The following SGCD variants were observed in gnomAD, a reference collection of about 807,000 sequenced individuals.
The protein encoded by SGCD is delta-sarcoglycan.
SGCD carries 18 observed loss-of-function variants against 36.6 expected under a neutral mutation model. That is an observed-to-expected ratio of 0.49 (90% CI 0.34 to 0.73). SGCD has a LOEUF of 0.73. Ranked by LOEUF, SGCD falls within the 30% of genes least tolerant of loss-of-function variation. The probability of loss-of-function intolerance (pLI) is 0.01; values close to 1 mark genes in which losing one functional copy is unlikely to be tolerated. For synonymous variants in SGCD, 133 were observed against 130.6 expected, an observed-to-expected ratio of 1.02 and a Z score of -0.12; for missense variants, 387 against 346.7, an observed-to-expected ratio of 1.12 and a Z score of -0.92.
At chr5:155,935,916 C>G (rs771530830) in intron 1 of SGCD, among the ~76,000 whole-genome samples, 36 of 152,160 alleles carry the variant, frequency 2.4e-4, no homozygotes, top group Non-Finnish European at 3.8e-4. Context: ...TGCACACAGT[C>G]AGGCACACCA....
At chr5:156,576,040 C>T (rs1159643601) in intron 4 of SGCD, among the ~76,000 whole-genome samples, 3 of 152,124 alleles carry the variant, frequency 2.0e-5, no homozygotes, top group South Asian at 2.1e-4. Context: ...CTGTCATTTA[C>T]ATTAGGTATT....
chr5:156,607,273 C>G (rs539964668), intron 6 of SGCD, among the ~76,000 whole-genome samples: 5 of 152,116 alleles, frequency 3.3e-5, no homozygotes, highest in Non-Finnish European at 1.5e-5. Flanking sequence ...TGAATTTTGT[C>G]AAAGGCTTTT....
intron 1 of SGCD, among the ~76,000 whole-genome samples, chr5:155,892,362 G>A (rs760227491): frequency 1.1e-4 from 16 of 151,110 alleles, no homozygotes; most frequent in Non-Finnish European, 2.2e-4. Flanking sequence ...GGTTGAGGCA[G>A]TAGAATCGCT....
At chr5:156,657,178 A>G (rs1581346644) in intron 7 of SGCD, among the ~76,000 whole-genome samples, 1 of 151,700 alleles carries the variant, frequency 6.6e-6, no homozygotes, top group East Asian at 1.9e-4. Flanking sequence ...TCCGCACACC[A>G]CTGACAGTTA....
At chr5:156,350,862 C>G (rs1580858569) in intron 3 of SGCD, among the ~76,000 whole-genome samples, 1 of 152,104 alleles carries the variant, frequency 6.6e-6, no homozygotes, top group East Asian at 1.9e-4. Context: ...TTGTTATTCC[C>G]ACTGAAAACC....
At chr5:156,384,139 A>G (rs1050326658) in intron 3 of SGCD, among the ~76,000 whole-genome samples, 2 of 152,232 alleles carry the variant, frequency 1.3e-5, no homozygotes, top group Non-Finnish European at 2.9e-5. Context: ...TCAATGCCAG[A>G]AAGAGACAAG....
At chr5:156,295,122 G>C (rs1321704346) in intron 3 of SGCD, among the ~76,000 whole-genome samples, 2 of 152,054 alleles carry the variant, frequency 1.3e-5, no homozygotes, top group African/African-American at 2.4e-5. Flanking sequence ...TCTTTGTCTG[G>C]AGATTTTGAT....
chr5:155,943,054 G>C (rs978853673), intron 1 of SGCD, among the ~76,000 whole-genome samples: 2 of 152,192 alleles, frequency 1.3e-5, no homozygotes, highest in Admixed American at 6.5e-5. Context: ...AGCTATGATA[G>C]AGTTGAGGAC....
At chr5:156,030,601 G>A (rs967012117) in intron 1 of SGCD, among the ~76,000 whole-genome samples, 16 of 152,174 alleles carry the variant, frequency 1.1e-4, no homozygotes, top group African/African-American at 3.9e-4. Context: ...TTTTATAGCA[G>A]CCCTAGTAAA....
intron 3 of SGCD, among the ~76,000 whole-genome samples, chr5:156,239,700 C>G (rs944922492): frequency 4.6e-5 from 7 of 152,138 alleles, no homozygotes; most frequent in African/African-American, 1.7e-4. Flanking sequence ...CTGAGTTTAT[C>G]ACCTATTTAC....
intron 6 of SGCD, among the ~76,000 whole-genome samples, chr5:156,627,763 G>A (rs566604211): frequency 3.0e-4 from 45 of 152,230 alleles, no homozygotes; most frequent in South Asian, 6.2e-4. Context: ...ATGCTACAAT[G>A]TGTAATTTAA....
intron 3 of SGCD, among the ~76,000 whole-genome samples, chr5:156,142,728 C>T (rs1191928948): frequency 1.3e-5 from 2 of 152,186 alleles, no homozygotes; most frequent in Non-Finnish European, 2.9e-5. Context: ...GATGAAATTT[C>T]TAAGCAGCAA....
At chr5:155,895,621 C>T (rs1756233003) in intron 1 of SGCD, among the ~76,000 whole-genome samples, 2 of 151,704 alleles carry the variant, frequency 1.3e-5, no homozygotes, top group South Asian at 4.2e-4. Context: ...TAATTTCTGC[C>T]TTTCATGCTG....
intron 6 of SGCD, among the ~76,000 whole-genome samples, chr5:156,616,981 A>G (rs1301998514): frequency 1.3e-5 from 2 of 152,208 alleles, no homozygotes; most frequent in African/African-American, 2.4e-5. Flanking sequence ...TACAAAAAAA[A>G]AGTTTGCCAG....
intron 3 of SGCD, among the ~76,000 whole-genome samples, chr5:156,422,182 G>A (rs1395783434): frequency 3.3e-5 from 5 of 152,008 alleles, no homozygotes; most frequent in Non-Finnish European, 1.5e-5. Context: ...TGTTTGCTGT[G>A]AGCAGGAGCT....
chr5:155,813,214 G>C, the SGCD span, among the ~76,000 whole-genome samples: 1 of 152,024 alleles, frequency 6.6e-6, no homozygotes, highest in Non-Finnish European at 1.5e-5. Context: ...TATGTAGCAA[G>C]CTTAGAATTT....
intron 6 of SGCD, among the ~76,000 whole-genome samples, chr5:156,608,343 G>C (rs1761589982): frequency 6.6e-6 from 1 of 152,174 alleles, no homozygotes; most frequent in Non-Finnish European, 1.5e-5. Context: ...TTTCCATGTA[G>C]TTGAGCGGTT....
intron 4 of SGCD, among the ~76,000 whole-genome samples, chr5:156,576,515 G>C (rs746662399): frequency 2.0e-5 from 3 of 152,158 alleles, no homozygotes; most frequent in Non-Finnish European, 2.9e-5. Flanking sequence ...CTTCCACAAT[G>C]GTTGAACTAG....
At chr5:156,549,949 A>G (rs1021298533) in intron 4 of SGCD, among the ~76,000 whole-genome samples, 1 of 152,258 alleles carries the variant, frequency 6.6e-6, no homozygotes, top group Non-Finnish European at 1.5e-5. Context: ...AACTGAGAGT[A>G]CTGAACTATT....
Sources: allele counts gnomAD v4.1 joint callset (sites outside exome capture counted in the v4.1 genomes callset), GRCh38; gene constraint gnomAD v4.1.1; transcripts MANE v1.5; gene names NCBI Gene and HGNC (gene_info 2026-07-23, HGNC 2026-07-21).